Variants in CDH13 observed in about 807,000 individuals in gnomAD.
The protein encoded by CDH13 is cadherin 13.
CDH13 carries 24 observed loss-of-function variants against 63.8 expected under a neutral mutation model. That is an observed-to-expected ratio of 0.38 (90% confidence interval 0.27 to 0.53). The LOEUF (loss-of-function observed/expected upper bound fraction) is 0.53, where lower values mean the gene tolerates loss of function less well. CDH13 is among the 20% of genes least tolerant of loss of function. CDH13 has a pLI of 0.85. For missense variants in CDH13, 1,049 were observed against 903.1 expected (o/e 1.16, Z -2.07); for synonymous variants, 503 against 355.3 (o/e 1.42, Z -4.67).
At chr16:83,676,300 TTG>T (rs1343499951) in intron 9 of CDH13, among the ~76,000 whole-genome samples, 1 of 152,208 alleles carries the variant, frequency 6.6e-6, no homozygotes, top group Admixed American at 6.5e-5. Context: ...TAGGCCAAGA[TTG>T]TGATTAGTGC....
At chr16:82,938,270 G>A (rs2042729867) in intron 2 of CDH13, among the ~76,000 whole-genome samples, 1 of 152,192 alleles carries the variant, frequency 6.6e-6, no homozygotes, top group Non-Finnish European at 1.5e-5. Context: ...GTAAAGACAT[G>A]AAAAGGAATC....
intron 7 of CDH13, among the ~76,000 whole-genome samples, chr16:83,528,417 G>A (rs1055123399): frequency 9.2e-5 from 14 of 152,100 alleles, no homozygotes; most frequent in Non-Finnish European, 1.3e-4. Flanking sequence ...GCAGTTGGGC[G>A]GTCTGGATGG....
intron 6 of CDH13, among the ~76,000 whole-genome samples, chr16:83,362,172 G>C (rs1030935096): frequency 3.3e-5 from 5 of 152,166 alleles, no homozygotes; most frequent in Admixed American, 6.5e-5. Context: ...TTCTTCCAAA[G>C]TGTCAGGCTT....
chr16:82,686,625 A>C (rs1351058074), intron 1 of CDH13, among the ~76,000 whole-genome samples: 1 of 152,114 alleles, frequency 6.6e-6, no homozygotes, highest in East Asian at 1.9e-4. Context: ...AAAAATGAGA[A>C]TATTCCTTTC....
At chr16:83,482,950 C>T (rs1278685641) in intron 6 of CDH13, among the ~76,000 whole-genome samples, 1 of 152,182 alleles carries the variant, frequency 6.6e-6, no homozygotes, top group Non-Finnish European at 1.5e-5. Context: ...TGGCTCAGAA[C>T]CCAGGACAGA....
intron 2 of CDH13, among the ~76,000 whole-genome samples, chr16:82,891,208 T>C (rs2041069085): frequency 6.6e-6 from 1 of 152,162 alleles, no homozygotes; most frequent in South Asian, 2.1e-4. Context: ...AGTTCCATGC[T>C]GGAACTTATG....
intron 9 of CDH13, among the ~76,000 whole-genome samples, chr16:83,676,024 T>C (rs1914923743): frequency 6.6e-6 from 1 of 152,156 alleles, no homozygotes; most frequent in Admixed American, 6.5e-5. Flanking sequence ...AGGCAGCTTA[T>C]AGTTATAAGA....
chr16:83,790,102 A>G (rs1056758533), intron 13 of CDH13: 2 of 152,196 alleles, frequency 1.3e-5, no homozygotes, highest in African/African-American at 4.8e-5. Context: ...TATTTTCTTC[A>G]GTGGTCTGGC....
chr16:83,657,326 C>G (rs1330502283), intron 8 of CDH13, among the ~76,000 whole-genome samples: 1 of 152,176 alleles, frequency 6.6e-6, no homozygotes, highest in African/African-American at 2.4e-5. Context: ...ATTATGAGGT[C>G]AAACAAGGTG....
At chr16:83,412,678 C>G (rs2092145079) in intron 6 of CDH13, among the ~76,000 whole-genome samples, 1 of 152,142 alleles carries the variant, frequency 6.6e-6, no homozygotes, top group African/African-American at 2.4e-5. Flanking sequence ...GACACTCTGA[C>G]AAGAATGTAT....
intron 6 of CDH13, among the ~76,000 whole-genome samples, chr16:83,424,097 AAG>A (rs1246718794): frequency 6.6e-6 from 1 of 151,874 alleles, no homozygotes; most frequent in East Asian, 1.9e-4. Context: ...AAAAGTCTAG[AAG>A]AGGGAAATCC....
rs76854007 is a variant in CDH13, at chr16:82,688,633, T to A, written c.45+61496T>A. Among the ~76,000 whole-genome samples, 609 of 152,324 alleles carry A rather than the reference T, an allele frequency of 4.0e-3. 4 individuals carry two copies. The highest frequency in any genetic ancestry group is 4.7e-3 in the Non-Finnish European group (317 of 68,032). The stretch of plus-strand genomic sequence containing the variant: ...TGATGACATGCTTCTTTTGAACCAT[T>A]TTGGGATGGTTCTGATATTGTTTGT... On this transcript the variant is annotated intron_variant, in intron 1 of 13. Coordinates refer to ENST00000567109, the MANE Select transcript of CDH13 (RefSeq NM_001257.5).
At chr16:83,672,377 G>A (rs1192938008) in intron 9 of CDH13, among the ~76,000 whole-genome samples, 8 of 136,266 alleles carry the variant, frequency 5.9e-5, no homozygotes, top group Non-Finnish European at 1.1e-4. Context: ...ATCCTCACAT[G>A]GTAGATAGAG....
At chr16:83,085,547 C>T (rs1436753032) in intron 3 of CDH13, among the ~76,000 whole-genome samples, 1 of 152,308 alleles carries the variant, frequency 6.6e-6, no homozygotes, top group Non-Finnish European at 1.5e-5. Flanking sequence ...TATCAAAAAC[C>T]ACTAGAAGTC....
rs186400170 is a variant in CDH13, at chr16:83,423,631, T to G, written c.782-62846T>G. 6.8e-4 allele frequency among the ~76,000 whole-genome samples: 104 copies of G among 152,368 alleles called. No homozygotes were observed. In the Middle Eastern group the frequency reaches 0.017, roughly 25 times the overall value. ...AATGAATACTTGAAGAATGGGGTTG[T>G]AAATACTCCCAGAGGCAACTGCAGC... On this transcript the variant is annotated intron_variant, in intron 6 of 13. Transcript: ENST00000567109.
At chr16:82,698,251 G>A (rs2030569848) in intron 1 of CDH13, among the ~76,000 whole-genome samples, 1 of 152,306 alleles carries the variant, frequency 6.6e-6, no homozygotes, top group South Asian at 2.1e-4. Context: ...AAGAGTCTTT[G>A]CATGTCAAGC....
chr16:82,895,121 C>T (rs1028964114), intron 2 of CDH13, among the ~76,000 whole-genome samples: 1 of 152,162 alleles, frequency 6.6e-6, no homozygotes, highest in African/African-American at 2.4e-5. Flanking sequence ...ATTTGCAGTG[C>T]TTTGCAATCA....
intron 7 of CDH13, among the ~76,000 whole-genome samples, chr16:83,555,067 C>T (rs2075576668): frequency 6.6e-6 from 1 of 152,182 alleles, no homozygotes; most frequent in African/African-American, 2.4e-5. Context: ...AAGTCAACAT[C>T]TACCAGCTTG....
intron 11 of CDH13, among the ~76,000 whole-genome samples, chr16:83,757,756 T>A (rs1363941797): frequency 6.6e-6 from 1 of 152,102 alleles, no homozygotes; most frequent in East Asian, 1.9e-4. Context: ...ACAAAGATAT[T>A]ATGAACGGCA....
Sources: gnomAD v4.1 joint callset for allele counts (sites outside exome capture counted in the v4.1 genomes callset) on GRCh38, gnomAD v4.1.1 for gene constraint, MANE v1.5 for transcripts, NCBI Gene and HGNC (gene_info 2026-07-23, HGNC 2026-07-21) for gene names.